DNAJC17: variants seen among roughly 807,000 people sequenced by gnomAD.
DNAJC17 encodes dnaJ homolog subfamily C member 17.
In DNAJC17, 35 loss-of-function variants were observed where a neutral mutation model predicts 48.1. That is an observed-to-expected ratio of 0.73 (90% CI 0.56 to 0.96). The LOEUF is 0.96. DNAJC17 is among the 50% of genes least tolerant of loss of function. The pLI, the probability that DNAJC17 is intolerant of heterozygous loss-of-function variation, is 0.00. For missense variants in DNAJC17, 355 were observed against 377.1 expected (o/e 0.94, Z 0.48); for synonymous variants, 117 against 142.7 (o/e 0.82, Z 1.28).
At chr15:40,780,885 G>T (rs968878638) in intron 1 of DNAJC17, among the ~76,000 whole-genome samples, 14 of 151,548 alleles carry the variant, frequency 9.2e-5, no homozygotes, top group African/African-American at 3.4e-4. Flanking sequence ...GGTGGCTCAC[G>T]CCTGTAATCA....
At chr15:40,789,470 ACCT>A (rs894637665) in intron 1 of DNAJC17, among the ~76,000 whole-genome samples, 5 of 151,180 alleles carry the variant, frequency 3.3e-5, no homozygotes, top group African/African-American at 1.2e-4. Flanking sequence ...TCTCTGGCCC[ACCT>A]CCTCCCTTTT....
chr15:40,799,204 G>C (rs886377073), intron 1 of DNAJC17, among the ~76,000 whole-genome samples: 13 of 133,088 alleles, frequency 9.8e-5, no homozygotes, highest in Non-Finnish European at 3.1e-5. Context: ...CAGCCTGAGC[G>C]ACAGAGCGAG....
chr15:40,790,399 C>A (rs1032897545), intron 1 of DNAJC17, among the ~76,000 whole-genome samples: 2 of 152,080 alleles, frequency 1.3e-5, no homozygotes, highest in African/African-American at 2.4e-5. Flanking sequence ...CATGGTGAAA[C>A]CCCGTCTCTA....
chr15:40,779,881 C>T (rs1204202129), intron 2 of DNAJC17, 47 bp downstream of exon 2: 1 of 1,587,494 alleles, frequency 6.3e-7, no homozygotes, highest in East Asian at 2.2e-5. Context: ...AACACAATGC[C>T]CGGGTGAGTG....
intron 1 of DNAJC17, among the ~76,000 whole-genome samples, chr15:40,797,553 C>T (rs1889967836): frequency 1.3e-5 from 2 of 151,152 alleles, no homozygotes; most frequent in African/African-American, 2.4e-5. Flanking sequence ...GCTGGGATTA[C>T]AGGCACCCGC....
chr15:40,795,871 G>T (rs541962738), intron 1 of DNAJC17, among the ~76,000 whole-genome samples: 1 of 152,158 alleles, frequency 6.6e-6, no homozygotes, highest in Non-Finnish European at 1.5e-5. Flanking sequence ...CAGCCTGGGC[G>T]ACAGAGTGAG....
In DNAJC17 at chr15:40,807,062, G is replaced by C. The variant is rs912702785; in HGVS notation, c.78+307C>G. The C allele has an allele frequency of 2.0e-5, 12 of 608,520 alleles. No homozygotes were observed. The African/African-American group carries it at 2.2e-4, about 11-fold the overall frequency. The allele number at this position is 608,520 out of a possible 1,614,324, so 37.7% of individuals were successfully genotyped here. A position where few individuals can be genotyped will look rare whatever the true frequency, so the allele number is the denominator to read the frequency against. ...AGGCAGAAGCGGAAACGGAGGCCGA[G>C]ACTGCGCAGGCGCAGAGGAGGCTAG... On this transcript the variant is annotated intron_variant, in intron 1 of 10. Coordinates refer to ENST00000220496, the MANE Select transcript of DNAJC17 (RefSeq NM_018163.3).
At position 40,767,504 on chromosome 15, in the gene DNAJC17, T is replaced by C. The variant is rs1421078520; in HGVS notation, c.*436A>G. Reference sequence around the variant, plus strand: ...CCAAAGGGCAGTGAATGGCCTTCTCTGAAACCCTGCGTCAAGCAGTGGGAG... The same window carrying C: ...CCAAAGGGCAGTGAATGGCCTTCTCCGAAACCCTGCGTCAAGCAGTGGGAG... On this transcript the variant is annotated 3_prime_UTR_variant, in exon 11 of 11. Transcript: ENST00000220496. The C allele has an allele frequency of 1.2e-6, 1 of 852,762 alleles. No homozygotes were observed. Among genetic ancestry groups the C allele is most frequent in the Non-Finnish European group, 1.7e-6 (1 of 583,486 alleles). The allele number at this position is 852,762 out of a possible 1,614,324, so 52.8% of individuals were successfully genotyped here.
chr15:40,768,518 C>G (rs752240342), intron 10 of DNAJC17, among the ~76,000 whole-genome samples: 48 of 152,278 alleles, frequency 3.2e-4, no homozygotes, highest in Non-Finnish European at 6.2e-4. Flanking sequence ...TCTCTATGCC[C>G]GGTGCCCTGT....
intron 1 of DNAJC17, among the ~76,000 whole-genome samples, chr15:40,806,068 G>A (rs561362403): frequency 7.2e-5 from 11 of 152,222 alleles, no homozygotes; most frequent in Admixed American, 3.3e-4. Flanking sequence ...GGCTGCAGGG[G>A]ACAGATTTGT....
chr15:40,778,797 G>A (rs918584539), intron 4 of DNAJC17, among the ~76,000 whole-genome samples: 14 of 152,106 alleles, frequency 9.2e-5, no homozygotes, highest in South Asian at 6.2e-4. Flanking sequence ...TTAGCCGGGC[G>A]TAGTGGTGCA....
rs760108566 is a variant in DNAJC17, at chr15:40,779,518, G to A, written c.207+27C>T. On this transcript the variant is annotated intron_variant, in intron 3 of 10. Coordinates refer to ENST00000220496, the MANE Select transcript of DNAJC17 (RefSeq NM_018163.3). ...GCAGTGGTCTCTAACCATGGGGGAC[G>A]ATTCCGATGAAGGAGGCTGTGCTTA... 27 of 1,613,846 alleles carry A rather than the reference G, an allele frequency of 1.7e-5. No individual in the cohort carries two copies. The East Asian group carries it at 2.2e-4, about 13-fold the overall frequency.
In DNAJC17 at chr15:40,769,281, C is replaced by T. The variant is rs550045961; in HGVS notation, c.793-1219G>A. Among the ~76,000 whole-genome samples the T allele has an allele frequency of 3.3e-5, 5 of 152,286 alleles. No individual in the cohort carries two copies. Among genetic ancestry groups the T allele is most frequent in the African/African-American group, 4.8e-5 (2 of 41,560 alleles). ...GAGAAGGAGGACCCCAGAGGAAGCC[C>T]GGTAGCCAGAGGGGAAGGGCTGGAG... On this transcript the variant is annotated intron_variant, in intron 10 of 10. Coordinates refer to ENST00000220496, the MANE Select transcript of DNAJC17 (RefSeq NM_018163.3). The surrounding 1 kb of genome is among the most constrained non-coding windows in gnomAD (Gnocchi z 4.2).
chr15:40,789,486 C>T (rs1356820553), intron 1 of DNAJC17, among the ~76,000 whole-genome samples: 6 of 152,002 alleles, frequency 3.9e-5, no homozygotes, highest in Non-Finnish European at 2.9e-5. Flanking sequence ...TCCCTTTTAA[C>T]CTTATCCTAA....
At position 40,796,676 on chromosome 15, in the gene DNAJC17, T is replaced by G. The variant is rs542534587; in HGVS notation, c.78+10693A>C. The stretch of plus-strand genomic sequence containing the variant: ...GGAAGGTTAAATGGCACAGCCATTG[T>G]GGAAGCCGGTATGTCAGTTCCTCAA... On this transcript the variant is annotated intron_variant, in intron 1 of 10. Coordinates refer to ENST00000220496, the MANE Select transcript of DNAJC17 (RefSeq NM_018163.3). Among the ~76,000 whole-genome samples the G allele has an allele frequency of 6.6e-4, 100 of 152,358 alleles. No individual in the cohort carries two copies. In the South Asian group the frequency reaches 0.02, roughly 30 times the overall value.
rs766571674 is a variant in DNAJC17, at chr15:40,767,204, C to T, written c.*736G>A. ...GCTTGCTGTGTGCCCCTCCTCACCC[C>T]CCCCATCCTGTCTCTTTGCAGTTAT... is the stretch of plus-strand genomic sequence containing the variant. On this transcript the variant is annotated 3_prime_UTR_variant, in exon 11 of 11. Coordinates refer to ENST00000220496, the MANE Select transcript of DNAJC17 (RefSeq NM_018163.3). 2.0e-6 allele frequency: 3 copies of T among 1,483,932 alleles called. No individual in the cohort carries two copies. The highest frequency in any genetic ancestry group is 2.8e-5 in the South Asian group (2 of 71,242). The allele number at this position is 1,483,932 out of a possible 1,614,324, so 91.9% of individuals were successfully genotyped here. A position where few individuals can be genotyped will look rare whatever the true frequency, so the allele number is the denominator to read the frequency against.
intron 1 of DNAJC17, among the ~76,000 whole-genome samples, chr15:40,800,467 TATTGAG>T (rs1174758670): frequency 6.6e-6 from 1 of 151,998 alleles, no homozygotes; most frequent in Non-Finnish European, 1.5e-5. Context: ...GGGAAATGTC[TATTGAG>T]ATTGTCTTTT....
At chr15:40,783,183 A>G (rs1282628515) in intron 1 of DNAJC17, among the ~76,000 whole-genome samples, 1 of 151,940 alleles carries the variant, frequency 6.6e-6, no homozygotes, top group Non-Finnish European at 1.5e-5. Context: ...TTTACTGAAC[A>G]TATTTTATAT....
At chr15:40,784,607 T>C (rs1889592680) in intron 1 of DNAJC17, among the ~76,000 whole-genome samples, 1 of 152,126 alleles carries the variant, frequency 6.6e-6, no homozygotes, top group Admixed American at 6.6e-5. Context: ...AACATTACTT[T>C]AGGCAAAAAC....
Sources: gnomAD v4.1 joint callset for allele counts (sites outside exome capture counted in the v4.1 genomes callset) on GRCh38, gnomAD v4.1.1 for gene constraint, Gnocchi (gnomAD v3.1) non-coding constraint, MANE v1.5 for transcripts, NCBI Gene and HGNC (gene_info 2026-07-23, HGNC 2026-07-21) for gene names.